The following TCF7L2 variants were observed in gnomAD, a reference collection of about 807,000 sequenced individuals.
TCF7L2 encodes transcription factor 7 like 2.
In TCF7L2, 23 loss-of-function variants were observed where a neutral mutation model predicts 77.9. The ratio of observed to expected loss-of-function variants is 0.30; its 90% confidence interval spans 0.21 to 0.42. TCF7L2 has a LOEUF of 0.42. Ranked by LOEUF, TCF7L2 falls within the 10% of genes least tolerant of loss-of-function variation. The pLI is 1.00. For synonymous variants in TCF7L2, 413 were observed against 340.2 expected (o/e 1.21, Z -2.36); for missense variants, 654 against 793.1 (o/e 0.82, Z 2.11).
intron 4 of TCF7L2, among the ~76,000 whole-genome samples, chr10:112,976,716 A>C (rs929934754): frequency 6.6e-6 from 1 of 152,240 alleles, no homozygotes; most frequent in African/African-American, 2.4e-5. Context: ...AATATGAAAG[A>C]CCAAAAATAA....
In TCF7L2 at chr10:113,058,103, G is replaced by A. The variant is rs551519075; in HGVS notation, c.552+17977G>A. Among the ~76,000 whole-genome samples the A allele has an allele frequency of 3.9e-5, 6 of 152,290 alleles. No homozygotes were observed. The East Asian group carries it at 1.2e-3, about 29-fold the overall frequency. ...GTAGGTTCATTAGGGCCTTTAAAGG[G>A]GGAAGAAGGTGGTGGCTATAAATGT... On this transcript the variant is annotated intron_variant, in intron 5 of 13. Transcript: ENST00000627217.
intron 5 of TCF7L2, among the ~76,000 whole-genome samples, chr10:113,104,127 A>G (rs1048987093): frequency 1.3e-5 from 2 of 152,160 alleles, no homozygotes; most frequent in African/African-American, 2.4e-5. Context: ...TCCTTCCCCC[A>G]TAGTTTCAAG....
chr10:113,093,565 T>A (rs1176421973), intron 5 of TCF7L2, among the ~76,000 whole-genome samples: 2 of 152,258 alleles, frequency 1.3e-5, no homozygotes, highest in Admixed American at 1.3e-4. Flanking sequence ...CCCTTCTCTT[T>A]CTTTCCATGT....
intron 12 of TCF7L2, chr10:113,160,582 T>C (rs999636737): frequency 7.7e-6 from 12 of 1,556,320 alleles, no homozygotes; most frequent in Non-Finnish European, 1.0e-5. Context: ...CGACCCACCA[T>C]TGTGTTGTAT....
chr10:113,077,336 A>G (rs2058797389), intron 5 of TCF7L2, among the ~76,000 whole-genome samples: 1 of 152,270 alleles, frequency 6.6e-6, no homozygotes, highest in Non-Finnish European at 1.5e-5. Context: ...GAATTAAAAA[A>G]TAAGTTTAGT....
At chr10:113,129,798 C>T (rs2066269603) in intron 5 of TCF7L2, 2 of 1,284,602 alleles carry the variant, frequency 1.6e-6, no homozygotes, top group Non-Finnish European at 2.0e-6. Flanking sequence ...AAAAACTGGC[C>T]CAGTCCCATC....
Position 113,146,071 on chromosome 10 carries a change from T to G in TCF7L2, c.849T>G (p.Ala283=). ...GATTCAGACACCCCTACCCCACAGC[T>G]CTGACCGTCAATGCTTCCATGTCCA... Residue 283 remains alanine (A), a synonymous_variant, in exon 8 of 14, where the codon GCT becomes GCG. Coordinates refer to ENST00000627217, the MANE Select transcript of TCF7L2 (RefSeq NM_001146274.2). 6.7e-7 allele frequency: 1 copy of G among 1,489,670 alleles called. No homozygotes were observed. Among genetic ancestry groups the G allele is most frequent in the Non-Finnish European group, 9.1e-7 (1 of 1,103,298 alleles). The allele number at this position is 1,489,670 out of a possible 1,614,324, so 92.3% of individuals were successfully genotyped here.
At chr10:113,063,634 G>A (rs764221553) in intron 5 of TCF7L2, among the ~76,000 whole-genome samples, 41 of 152,152 alleles carry the variant, frequency 2.7e-4, no homozygotes, top group Non-Finnish European at 1.2e-4. Flanking sequence ...TCTGTTATCT[G>A]AGGCTGTCAC....
chr10:113,133,893 A>G (rs1456149781), intron 5 of TCF7L2, among the ~76,000 whole-genome samples: 1 of 152,190 alleles, frequency 6.6e-6, no homozygotes, highest in Non-Finnish European at 1.5e-5. Context: ...CTAACTCTGC[A>G]GCCTGCGGGG....
chr10:113,033,245 T>C (rs2050565005), intron 4 of TCF7L2, among the ~76,000 whole-genome samples: 1 of 151,248 alleles, frequency 6.6e-6, no homozygotes, highest in Non-Finnish European at 1.5e-5. Context: ...CTCTCTCGTT[T>C]CCTTTTCTTT....
intron 4 of TCF7L2, among the ~76,000 whole-genome samples, chr10:112,990,072 C>T (rs1157682946): frequency 6.6e-6 from 1 of 152,064 alleles, no homozygotes; most frequent in Non-Finnish European, 1.5e-5. Context: ...CCTGGTAGTA[C>T]GTTTCCCATT....
rs533329903 is a variant in TCF7L2 at position 113,142,902 on chromosome 10, G to A, written c.686-1021G>A. On this transcript the variant is annotated intron_variant, in intron 6 of 13. Coordinates refer to ENST00000627217, the MANE Select transcript of TCF7L2 (RefSeq NM_001146274.2). ...TGTAGGGTCCAAGCCCAGCTAATCT[G>A]TTTGGTTTTTGTAATAGAGAGAAAG... 6.6e-5 allele frequency among the ~76,000 whole-genome samples: 10 copies of A among 152,338 alleles called. No individual in the cohort carries two copies. In the South Asian group the frequency reaches 2.1e-3, roughly 32 times the overall value.
At chr10:113,126,057 ATG>A (rs1372089122) in intron 5 of TCF7L2, 1 of 150,162 alleles carries the variant, frequency 6.7e-6, no homozygotes, top group East Asian at 2.0e-4. Flanking sequence ...GTGGTTTAAT[ATG>A]TGTTAGGACC....
chr10:112,991,174 TA>T (rs1299178534), intron 4 of TCF7L2, among the ~76,000 whole-genome samples: 1 of 152,106 alleles, frequency 6.6e-6, no homozygotes, highest in Non-Finnish European at 1.5e-5. Context: ...GAGATCTTGC[TA>T]GGGGGGTGGA....
At chr10:113,009,898 T>C (rs2046177987) in intron 4 of TCF7L2, among the ~76,000 whole-genome samples, 1 of 152,158 alleles carries the variant, frequency 6.6e-6, no homozygotes. Context: ...TTCTTTTAGG[T>C]AATTAAGGGA....
At chr10:113,002,545 GGT>G (rs2044686271) in intron 4 of TCF7L2, among the ~76,000 whole-genome samples, 1 of 151,898 alleles carries the variant, frequency 6.6e-6, no homozygotes, top group South Asian at 2.1e-4. Context: ...TGTGTGTGGG[GGT>G]GTGTGTGTGT....
chr10:113,167,193 A>G lies in TCF7L2; in HGVS notation c.*1221A>G, dbSNP rs1224293846. On this transcript the variant is annotated 3_prime_UTR_variant, in exon 14 of 14. Coordinates refer to ENST00000627217, the MANE Select transcript of TCF7L2 (RefSeq NM_001146274.2). ...TGTAGTTTTAATGTCACCTATAACAAAATGTGTTTGGTAGCAGATTGTCCA... is the reference window on the plus strand; with the variant it reads ...TGTAGTTTTAATGTCACCTATAACAGAATGTGTTTGGTAGCAGATTGTCCA... The G allele has an allele frequency of 8.7e-6, 2 of 229,396 alleles. No homozygotes were observed. The allele number at this position is 229,396 out of a possible 1,614,324, so 14.2% of individuals were successfully genotyped here.
At chr10:113,141,012 T>C (rs1189982606) in intron 5 of TCF7L2, among the ~76,000 whole-genome samples, 172 bp from the exon 6 acceptor site, 1 of 152,160 alleles carries the variant, frequency 6.6e-6, no homozygotes, top group Non-Finnish European at 1.5e-5. Context: ...GTCTTACAAC[T>C]ATCTATTATT....
chr10:113,119,293 T>G (rs1310358242), intron 5 of TCF7L2, among the ~76,000 whole-genome samples: 1 of 152,136 alleles, frequency 6.6e-6, no homozygotes, highest in African/African-American at 2.4e-5. Flanking sequence ...GTGATTTAGT[T>G]TCACCGGCAG....
Sources: gnomAD v4.1 joint callset for allele counts (sites outside exome capture counted in the v4.1 genomes callset) on GRCh38, gnomAD v4.1.1 for gene constraint, MANE v1.5 for transcripts, NCBI Gene and HGNC (gene_info 2026-07-23, HGNC 2026-07-21) for gene names.